CYTH1: variants seen among roughly 807,000 people sequenced by gnomAD.
The protein encoded by CYTH1 is cytohesin 1.
In CYTH1, 18 loss-of-function variants were observed where a neutral mutation model predicts 61.8. The observed-to-expected ratio is 0.29, with a 90% confidence interval of 0.20 to 0.43. The LOEUF (loss-of-function observed/expected upper bound fraction) is 0.43. CYTH1 is among the 20% of genes least tolerant of loss of function. CYTH1 has a pLI of 1.00. For missense variants in CYTH1, 336 were observed against 510.5 expected, an observed-to-expected ratio of 0.66 and a Z score of 3.29; for synonymous variants, 174 against 184.3, an observed-to-expected ratio of 0.94 and a Z score of 0.45.
At chr17:78,748,710 AGAGT>A (rs948197895) in intron 1 of CYTH1, among the ~76,000 whole-genome samples, 45 of 152,300 alleles carry the variant, frequency 3.0e-4, no homozygotes, top group African/African-American at 1.0e-3. Flanking sequence ...TGATCAAATA[AGAGT>A]AAGTAAAAAC....
At chr17:78,743,719 C>T (rs756447333) in intron 1 of CYTH1, among the ~76,000 whole-genome samples, 13 of 152,232 alleles carry the variant, frequency 8.5e-5, no homozygotes, top group South Asian at 2.1e-4. Flanking sequence ...CTTTCTTCTA[C>T]ATGTCCCATG....
chr17:78,752,473 C>T (rs370060577), intron 1 of CYTH1, among the ~76,000 whole-genome samples: 1 of 152,154 alleles, frequency 6.6e-6, no homozygotes, highest in African/African-American at 2.4e-5. Context: ...TGCTCCGTCA[C>T]CCAGGCTGGA....
At chr17:78,733,993 T>C (rs1020599597) in intron 1 of CYTH1, among the ~76,000 whole-genome samples, 5 of 152,206 alleles carry the variant, frequency 3.3e-5, no homozygotes, top group Non-Finnish European at 7.3e-5. Context: ...TTCACGCCTG[T>C]AATCCCAGCA....
chr17:78,677,365 G>T (rs899678210), intron 13 of CYTH1: 4 of 226,186 alleles, frequency 1.8e-5, no homozygotes, highest in African/African-American at 9.4e-5. Context: ...GGGCTGGGCT[G>T]CGGTCGGACA....
rs1256911019 is a variant in CYTH1 at position 78,700,548 on chromosome 17, G to A, written c.438-105C>T. ...TTTTTTTTCTTTTTTTTTTTGAGAT[G>A]GAGTCTCACTCTGTCACCCAGGCTG... On this transcript the variant is annotated intron_variant, in intron 6 of 13. Coordinates refer to ENST00000446868, the MANE Select transcript of CYTH1 (RefSeq NM_004762.6). This position sits in a 1 kb window ranked among gnomAD's most constrained non-coding sequence, Gnocchi z 5.1. 3.5e-6 allele frequency: 3 copies of A among 852,288 alleles called. No homozygotes were observed. Among genetic ancestry groups the A allele is most frequent in the Non-Finnish European group, 5.3e-6 (3 of 564,680 alleles). 52.8% of individuals were successfully genotyped at this position (852,288 alleles called of 1,614,324 possible).
intron 11 of CYTH1, among the ~76,000 whole-genome samples, chr17:78,689,841 C>CT (rs2092859635): frequency 6.6e-6 from 1 of 152,040 alleles, no homozygotes; most frequent in Non-Finnish European, 1.5e-5. Flanking sequence ...AATAACAAGT[C>CT]CTGTTCAGTT....
intron 1 of CYTH1, among the ~76,000 whole-genome samples, chr17:78,749,876 A>T (rs1027806110): frequency 1.3e-5 from 2 of 152,140 alleles, no homozygotes; most frequent in Admixed American, 1.3e-4. Flanking sequence ...AAATATTCCT[A>T]ACAGGTTTAG....
intron 9 of CYTH1, among the ~76,000 whole-genome samples, chr17:78,697,427 T>A (rs938638779): frequency 1.3e-5 from 2 of 151,846 alleles, no homozygotes; most frequent in African/African-American, 4.8e-5. Flanking sequence ...TGAATGTGTA[T>A]GAAAACCCTA....
At position 78,717,495 on chromosome 17, in the gene CYTH1, T is replaced by C. The variant is rs2144506179; in HGVS notation, c.23-7763A>G. 6.6e-6 allele frequency among the ~76,000 whole-genome samples: 1 copy of C among 152,334 alleles called. No individual in the cohort carries two copies. Among genetic ancestry groups the C allele is most frequent in the African/African-American group, 2.4e-5 (1 of 41,562 alleles). On this transcript the variant is annotated intron_variant, in intron 1 of 13. Transcript: ENST00000446868. This position sits in a 1 kb window ranked among gnomAD's most constrained non-coding sequence, Gnocchi z 4.4. Reference sequence around the variant, plus strand: ...CAAGGGAAGCTTTCATTTATTTATTTATTTAAATGTTGCTTTGCAGATTTT... The same window carrying C: ...CAAGGGAAGCTTTCATTTATTTATTCATTTAAATGTTGCTTTGCAGATTTT...
chr17:78,758,120 G>A (rs865822291), intron 1 of CYTH1, among the ~76,000 whole-genome samples: 3 of 152,086 alleles, frequency 2.0e-5, no homozygotes, highest in Non-Finnish European at 4.4e-5. Flanking sequence ...GAAAATCACT[G>A]GAAATGTGAG....
intron 1 of CYTH1, among the ~76,000 whole-genome samples, chr17:78,745,049 GTGTGGTTTTGAGTA>G (rs1483594833): frequency 6.6e-6 from 1 of 152,092 alleles, no homozygotes; most frequent in Non-Finnish European, 1.5e-5. Flanking sequence ...CTGAAAAACT[GTGTGGTTTTGAGTA>G]TGTACATTTT....
chr17:78,712,908 G>C (rs1244270587), intron 1 of CYTH1, among the ~76,000 whole-genome samples: 1 of 151,660 alleles, frequency 6.6e-6, no homozygotes, highest in Non-Finnish European at 1.5e-5. Context: ...TGTATTGGAG[G>C]ACGGAGCCTT....
rs141107380 is a variant in CYTH1 at position 78,700,484 on chromosome 17, C to T, written c.438-41G>A. On this transcript the variant is annotated intron_variant, in intron 6 of 13. Coordinates refer to ENST00000446868, the MANE Select transcript of CYTH1 (RefSeq NM_004762.6). This position sits in a 1 kb window ranked among gnomAD's most constrained non-coding sequence, Gnocchi z 5.1. Reference sequence around the variant, plus strand: ...CAGAGTGTTCCAGAACTTGGGGAGGCAATTTATTTCTCTATGAATTGTTAA... The same window carrying T: ...CAGAGTGTTCCAGAACTTGGGGAGGTAATTTATTTCTCTATGAATTGTTAA... 6.5e-5 allele frequency: 94 copies of T among 1,445,904 alleles called. No homozygotes were observed. The East Asian group carries it at 2.1e-3, about 33-fold the overall frequency. The allele number at this position is 1,445,904 out of a possible 1,614,324, so 89.6% of individuals were successfully genotyped here. A position where few individuals can be genotyped will look rare whatever the true frequency, so the allele number is the denominator to read the frequency against.
chr17:78,707,975 G>A (rs1426892003), intron 3 of CYTH1, among the ~76,000 whole-genome samples: 5 of 152,096 alleles, frequency 3.3e-5, no homozygotes, highest in African/African-American at 4.8e-5. Flanking sequence ...CACCGCGCCC[G>A]GCCTCCAGTT....
chr17:78,782,112 G>T, intron 1 of CYTH1, 90 bp downstream of exon 1: 1 of 1,133,396 alleles, frequency 8.8e-7, no homozygotes, highest in Non-Finnish European at 1.1e-6. Context: ...CCCGGGAAAC[G>T]CCAGCCGCCG....
intron 1 of CYTH1, among the ~76,000 whole-genome samples, chr17:78,714,622 A>T (rs577384096): frequency 9.8e-4 from 149 of 152,172 alleles, no homozygotes; most frequent in African/African-American, 3.5e-3. Flanking sequence ...TCCAGGGTAA[A>T]GCCTCCATAT....
chr17:78,709,597 G>A, intron 2 of CYTH1, 53 bp downstream of exon 2: 2 of 1,589,780 alleles, frequency 1.3e-6, no homozygotes, highest in Non-Finnish European at 1.7e-6. Context: ...TCATACAAAT[G>A]GAACTGTCAC....
intron 1 of CYTH1, among the ~76,000 whole-genome samples, chr17:78,762,284 T>C (rs1567880901): frequency 6.6e-6 from 1 of 152,042 alleles, no homozygotes. Context: ...GAATATAGAG[T>C]GGAAAGGGCG....
chr17:78,756,139 G>T (rs1458622197), intron 1 of CYTH1, among the ~76,000 whole-genome samples: 5 of 148,362 alleles, frequency 3.4e-5, no homozygotes, highest in African/African-American at 9.9e-5. Flanking sequence ...GCAGCAGCGT[G>T]ATCTCAGCTC....
Sources: gnomAD v4.1 joint callset for allele counts (sites outside exome capture counted in the v4.1 genomes callset) on GRCh38, gnomAD v4.1.1 for gene constraint, Gnocchi (gnomAD v3.1) non-coding constraint, MANE v1.5 for transcripts, NCBI Gene and HGNC (gene_info 2026-07-23, HGNC 2026-07-21) for gene names.